OTOG: variants seen among roughly 807,000 people sequenced by gnomAD.
The protein encoded by OTOG is otogelin.
OTOG carries 296 observed loss-of-function variants against 313.8 expected under a neutral mutation model. The ratio of observed to expected loss-of-function variants is 0.94; its 90% CI spans 0.86 to 1.04. OTOG has a LOEUF of 1.04. Among genes scored for constraint, OTOG ranks in the 50% least tolerant of loss-of-function variants. OTOG has a pLI of 0.00. For synonymous variants in OTOG, 1,533 were observed against 1,554.9 expected (o/e 0.99, Z 0.33); for missense variants, 3,948 against 3,840.1 (o/e 1.03, Z -0.74).
intron 24 of OTOG, among the ~76,000 whole-genome samples, chr11:17,587,771 G>A (rs1590022154): frequency 6.6e-6 from 1 of 152,284 alleles, no homozygotes; most frequent in East Asian, 1.9e-4. Context: ...CTCTGCACAG[G>A]CTGTGTGCTC....
chr11:17,570,190 C>T (rs749774953), intron 16 of OTOG, 23 bp from the exon 17 acceptor site: 1 of 1,547,650 alleles, frequency 6.5e-7, no homozygotes. Flanking sequence ...CTCCCACTCT[C>T]TCCTTTTGGA....
chr11:17,578,668 C>T, intron 23 of OTOG, 142 bp downstream of exon 23: 1 of 1,105,924 alleles, frequency 9.0e-7, no homozygotes, highest in Non-Finnish European at 1.2e-6. Flanking sequence ...GCTGTAATGG[C>T]CAGAGAGGAG....
intron 46 of OTOG, 136 bp downstream of exon 46, chr11:17,635,323 A>C (rs1854238606): frequency 4.2e-6 from 3 of 707,408 alleles, no homozygotes; most frequent in Non-Finnish European, 7.0e-6. Context: ...GGACAAGCTC[A>C]CTGTCCAGGA....
intron 20 of OTOG, among the ~76,000 whole-genome samples, chr11:17,576,304 G>C (rs1852525136): frequency 6.6e-6 from 1 of 152,238 alleles, no homozygotes; most frequent in African/African-American, 2.4e-5. Context: ...CTGCAGGAGT[G>C]TGTGGAGACC....
intron 1 of OTOG, chr11:17,547,683 G>A: frequency 1.1e-6 from 1 of 874,888 alleles, no homozygotes; most frequent in Non-Finnish European, 1.5e-6. Flanking sequence ...GTTAGGCTGG[G>A]TGGAAGAGAC....
At chr11:17,559,728 C>A in intron 12 of OTOG, 66 bp downstream of exon 12, 1 of 1,490,598 alleles carries the variant, frequency 6.7e-7, no homozygotes, top group Non-Finnish European at 9.0e-7. Context: ...GGCCACGAAA[C>A]AGGAGTTCAG....
intron 39 of OTOG, among the ~76,000 whole-genome samples, chr11:17,625,122 T>A (rs572530154): frequency 1.3e-5 from 2 of 152,188 alleles, no homozygotes; most frequent in Non-Finnish European, 2.9e-5. Context: ...TTTGACTTCC[T>A]CTCTCCCTAT....
chr11:17,547,485 C>A lies in OTOG; in HGVS notation c.94+19C>A. ...CGCCTCGGTGAGAGGGTTGTGGACT[C>A]AGGGAGGTCGGGGGCTCGAGGAATG... On this transcript the variant is annotated intron_variant, in intron 1 of 55. Transcript: ENST00000399397. The A allele has an allele frequency of 7.5e-7, 1 of 1,340,526 alleles. No individual in the cohort carries two copies. The highest frequency in any genetic ancestry group is 9.5e-7 in the Non-Finnish European group (1 of 1,047,372). 83.0% of individuals were successfully genotyped at this position (1,340,526 alleles called of 1,614,324 possible).
chr11:17,631,689 T>C lies in OTOG; in HGVS notation c.6713-13T>C. On this transcript the variant is annotated splice_polypyrimidine_tract_variant and intron_variant, in intron 40 of 55. Coordinates refer to ENST00000399397, the MANE Select transcript of OTOG (RefSeq NM_001292063.2). ...GATGATCGTGGCTGTTGGGATTGTT[T>C]GGCCCCTTTCAGGTATCTGTGATGG... 3.9e-6 allele frequency: 6 copies of C among 1,545,778 alleles called. No individual in the cohort carries two copies. Among genetic ancestry groups the C allele is most frequent in the Non-Finnish European group, 5.3e-6 (6 of 1,142,838 alleles).
chr11:17,558,106 C>T, intron 8 of OTOG, 79 bp from the exon 9 acceptor site: 1 of 1,501,236 alleles, frequency 6.7e-7, no homozygotes, highest in Non-Finnish European at 9.0e-7. Flanking sequence ...TTGGGATCCG[C>T]TTTCCCTCAG....
At chr11:17,599,609 T>C (rs1853195365) in intron 30 of OTOG, 62 bp from the exon 31 acceptor site, 1 of 1,533,848 alleles carries the variant, frequency 6.5e-7, no homozygotes, top group Non-Finnish European at 8.8e-7. Flanking sequence ...GAGCCTTGGC[T>C]CTGTCTGTCT....
At chr11:17,564,635 A>G (rs1443653915) in intron 15 of OTOG, among the ~76,000 whole-genome samples, 2 of 152,228 alleles carry the variant, frequency 1.3e-5, no homozygotes, top group African/African-American at 4.8e-5. Flanking sequence ...GGTGCCCAGC[A>G]ATGGAGTGGA....
rs769479908 is a variant in OTOG, at chr11:17,559,030, G to T, written c.1104-22G>T. The T allele has an allele frequency of 7.2e-6, 11 of 1,535,964 alleles. No homozygotes were observed. The South Asian group carries it at 1.2e-4, about 17-fold the overall frequency. On this transcript the variant is annotated intron_variant, in intron 10 of 55. Coordinates refer to ENST00000399397, the MANE Select transcript of OTOG (RefSeq NM_001292063.2). ...GGCACTTTGGGTTTTGTTCCAGTGT[G>T]ACCCTTGGTTTCTCTGCACAGATCA...
At chr11:17,599,103 G>A (rs192766728) in intron 30 of OTOG, among the ~76,000 whole-genome samples, 7 of 152,210 alleles carry the variant, frequency 4.6e-5, no homozygotes, top group Non-Finnish European at 1.0e-4. Context: ...GGGGCTAGGG[G>A]AACAGGGTGT....
At chr11:17,588,695 T>G (rs773342403) in intron 24 of OTOG, among the ~76,000 whole-genome samples, 4 of 152,118 alleles carry the variant, frequency 2.6e-5, no homozygotes, top group Non-Finnish European at 5.9e-5. Context: ...TTCTTGGAGA[T>G]TTTAGTATCT....
rs555426307 is a variant in OTOG, at chr11:17,570,272, G to T, written c.1837G>T (p.Val613Leu). Residue 613 changes from valine (V) to leucine (L), a missense_variant, in exon 17 of 56, where the codon GTG becomes TTG. By Grantham distance (32) the Val-to-Leu change is conservative. Transcript: ENST00000399397. ...CCTGCGGGTGAGGACGAACGTGGGC[G>T]TGCGGGTGCTCTACGACCGTGAAGG... ...VFLRVRTNVG[V>L]RVLYDREGLR... is the part of the protein sequence containing the mutation. The T allele has an allele frequency of 3.6e-5, 56 of 1,550,864 alleles. No homozygotes were observed. Among genetic ancestry groups the T allele is most frequent in the Non-Finnish European group, 4.5e-5 (52 of 1,147,054 alleles).
chr11:17,574,181 G>T (rs922267479), intron 19 of OTOG, among the ~76,000 whole-genome samples: 1 of 152,184 alleles, frequency 6.6e-6, no homozygotes, highest in Non-Finnish European at 1.5e-5. Context: ...ACTCTGGGGG[G>T]AGTGGGATGC....
At position 17,612,077 on chromosome 11, in the gene OTOG, T is replaced by C. The variant is rs369454636; in HGVS notation, c.6124-85T>C. 5.2e-5 allele frequency: 77 copies of C among 1,478,094 alleles called. 1 individual carries two copies. In the East Asian group the frequency reaches 7.9e-4, roughly 15 times the overall value. 91.6% of individuals were successfully genotyped at this position (1,478,094 alleles called of 1,614,324 possible). On this transcript the variant is annotated intron_variant, in intron 36 of 55. Transcript: ENST00000399397. ...CCCCTGCCCCGCTAGGACCTACATG[T>C]GGGAAGGATCTGGTGCCATCACAGC...
At chr11:17,600,346 T>C (rs1407333524) in intron 31 of OTOG, among the ~76,000 whole-genome samples, 5 of 152,210 alleles carry the variant, frequency 3.3e-5, no homozygotes, top group Non-Finnish European at 7.3e-5. Flanking sequence ...CTTCATCCAG[T>C]TGGGCCAGGG....
Sources: allele counts gnomAD v4.1 joint callset (sites outside exome capture counted in the v4.1 genomes callset), GRCh38; gene constraint gnomAD v4.1.1; transcripts MANE v1.5; gene names NCBI Gene and HGNC (gene_info 2026-07-23, HGNC 2026-07-21).